Variants in TMEM255B observed in about 807,000 individuals in gnomAD.
TMEM255B encodes the protein family with sequence similarity 70, member B.
In TMEM255B, 35 loss-of-function variants were observed where a neutral mutation model predicts 34.5. The observed-to-expected ratio is 1.01, with a 90% CI of 0.77 to 1.34. The LOEUF (loss-of-function observed/expected upper bound fraction) is 1.34. Among genes scored for constraint, TMEM255B ranks in the 40% most tolerant of loss-of-function variants. TMEM255B has a pLI of 0.00. For missense variants in TMEM255B, 432 were observed against 433.2 expected, an observed-to-expected ratio of 1.00 and a Z score of 0.02; for synonymous variants, 206 against 201.2, an observed-to-expected ratio of 1.02 and a Z score of -0.20.
intron 3 of TMEM255B, among the ~76,000 whole-genome samples, chr13:113,772,017 T>C (rs1439316639): frequency 6.6e-6 from 1 of 152,242 alleles, no homozygotes; most frequent in Non-Finnish European, 1.5e-5. Context: ...CACTTGTCAC[T>C]GACTGTTTGA....
chr13:113,769,078 C>A lies in TMEM255B; in HGVS notation c.190-20C>A. The stretch of plus-strand genomic sequence containing the variant: ...GGCACGTTAATGAGTGTTTCTCTCT[C>A]GTTCTTCCTTTGGTTTTAGCTCGGC... On this transcript the variant is annotated intron_variant, in intron 2 of 8. Transcript: ENST00000375353. This position sits in a 1 kb window ranked among gnomAD's most constrained non-coding sequence, Gnocchi z 4.2. 1 of 1,613,810 alleles carries A rather than the reference C, an allele frequency of 6.2e-7. No individual in the cohort carries two copies. Among genetic ancestry groups the A allele is most frequent in the South Asian group, 1.1e-5 (1 of 91,026 alleles).
At chr13:113,783,436 G>A (rs1185323401) in intron 3 of TMEM255B, among the ~76,000 whole-genome samples, 1 of 152,208 alleles carries the variant, frequency 6.6e-6, no homozygotes, top group Non-Finnish European at 1.5e-5. Context: ...TTTTCATCAG[G>A]AGTGAGGGTG....
intron 3 of TMEM255B, among the ~76,000 whole-genome samples, chr13:113,788,808 C>A (rs1256464667): frequency 2.0e-5 from 3 of 152,112 alleles, no homozygotes; most frequent in Non-Finnish European, 4.4e-5. Context: ...CTGCCCTCAC[C>A]CCAGCCAGAG....
chr13:113,813,342 C>A lies in TMEM255B; in HGVS notation c.*1439C>A, dbSNP rs1013204813. ...CCTCACGTCCCTCCCTGCAAAGCCC[C>A]CCGTGCCTACGATAAACAAGTACCG... On this transcript the variant is annotated 3_prime_UTR_variant, in exon 9 of 9. Coordinates refer to ENST00000375353, the MANE Select transcript of TMEM255B (RefSeq NM_182614.4). 6.6e-6 allele frequency: 1 copy of A among 152,272 alleles called. No individual in the cohort carries two copies. The highest frequency in any genetic ancestry group is 1.5e-5 in the Non-Finnish European group (1 of 68,144). 9.4% of individuals were successfully genotyped at this position (152,272 alleles called of 1,614,324 possible). A position where few individuals can be genotyped will look rare whatever the true frequency, so the allele number is the denominator to read the frequency against.
chr13:113,779,434 T>C (rs1282565363), intron 3 of TMEM255B, among the ~76,000 whole-genome samples: 4 of 151,810 alleles, frequency 2.6e-5, no homozygotes, highest in Non-Finnish European at 4.4e-5. Context: ...CATCTAGGAG[T>C]GGAAGAGGTG....
chr13:113,804,807 G>A (rs2051136786), intron 7 of TMEM255B, 78 bp from the exon 8 acceptor site: 1 of 1,368,540 alleles, frequency 7.3e-7, no homozygotes, highest in Non-Finnish European at 9.9e-7. Flanking sequence ...CGAGGGTGCT[G>A]GGCTTTCTAG....
rs2050454952 is a variant in TMEM255B, at chr13:113,770,172, T to G, written c.252+1012T>G. ...CCACGTGGCTGGGGAAGCCTCACGA[T>G]CACGGCGGAAGGTAAGGAGGAGCAA... is the stretch of plus-strand genomic sequence containing the variant. On this transcript the variant is annotated intron_variant, in intron 3 of 8. Coordinates refer to ENST00000375353, the MANE Select transcript of TMEM255B (RefSeq NM_182614.4). The surrounding 1 kb of genome is among the most constrained non-coding windows in gnomAD (Gnocchi z 4.6). 6.6e-6 allele frequency among the ~76,000 whole-genome samples: 1 copy of G among 152,158 alleles called. No homozygotes were observed.
At chr13:113,776,622 T>C (rs1265180588) in intron 3 of TMEM255B, among the ~76,000 whole-genome samples, 1 of 152,196 alleles carries the variant, frequency 6.6e-6, no homozygotes, top group Non-Finnish European at 1.5e-5. Flanking sequence ...TTCTGCTGTC[T>C]GAGCAGCCTT....
intron 5 of TMEM255B, chr13:113,800,150 GTGTGTA>G (rs1331237132): frequency 5.5e-5 from 49 of 884,774 alleles, no homozygotes; most frequent in South Asian, 3.1e-4. Context: ...GGTGTCCTGT[GTGTGTA>G]TGTGTATGTG....
intron 1 of TMEM255B, chr13:113,761,350 A>G (rs1033344405): frequency 2.1e-5 from 21 of 985,182 alleles, no homozygotes; most frequent in African/African-American, 3.5e-5. Flanking sequence ...TCTTCCAGGT[A>G]GGACCTGGCG....
chr13:113,761,453 G>A, intron 1 of TMEM255B: 2 of 770,560 alleles, frequency 2.6e-6, no homozygotes, highest in Non-Finnish European at 3.2e-6. Context: ...AGTGGGGGCT[G>A]GTGGGGAGTG....
At chr13:113,762,492 A>G (rs999087854) in intron 1 of TMEM255B, among the ~76,000 whole-genome samples, 1 of 152,120 alleles carries the variant, frequency 6.6e-6, no homozygotes, top group Non-Finnish European at 1.5e-5. Context: ...TCTGCTTTTT[A>G]TTTTGTAGCA....
rs1427491960 is a variant in TMEM255B, at chr13:113,769,142, G to A, written c.234G>A (p.Val78=). The A allele has an allele frequency of 1.2e-6, 2 of 1,614,192 alleles. No individual in the cohort carries two copies. The highest frequency in any genetic ancestry group is 2.2e-5 in the East Asian group (1 of 44,888). The change falls in exon 3 of 9, where the codon GTG becomes GTA. Residue 78 remains valine (V), a synonymous_variant. Transcript: ENST00000375353. This position sits in a 1 kb window ranked among gnomAD's most constrained non-coding sequence, Gnocchi z 4.2. The stretch of plus-strand genomic sequence containing the variant: ...TAGGAATTATTGGCATCAACTTGGT[G>A]GAGAATAGAAGGCAAATGGTAAGAA... ...SFLGIIGINL[V]ENRRQMLVAA...
chr13:113,768,102 C>T (rs779563238), intron 2 of TMEM255B: 18 of 434,628 alleles, frequency 4.1e-5, no homozygotes, highest in South Asian at 1.9e-4. Context: ...CTTGACACCA[C>T]GGCCCCAGCA....
intron 1 of TMEM255B, among the ~76,000 whole-genome samples, chr13:113,762,761 C>G (rs1360813420): frequency 1.3e-5 from 2 of 152,220 alleles, no homozygotes; most frequent in Admixed American, 6.5e-5. Flanking sequence ...GGGTTCCTGA[C>G]AGACGGACGC....
chr13:113,811,929 T>C lies in TMEM255B; in HGVS notation c.*26T>C. Reference sequence around the variant, plus strand: ...TAGAGGCGTGGAGTAAAAGATAACTTGTTTGTTTTTTTTTTTAAAAAAAAG... The same window carrying C: ...TAGAGGCGTGGAGTAAAAGATAACTCGTTTGTTTTTTTTTTTAAAAAAAAG... On this transcript the variant is annotated 3_prime_UTR_variant, in exon 9 of 9. Transcript: ENST00000375353. The C allele has an allele frequency of 6.5e-7, 1 of 1,543,052 alleles. No individual in the cohort carries two copies. Among genetic ancestry groups the C allele is most frequent in the Non-Finnish European group, 8.7e-7 (1 of 1,149,452 alleles).
rs145570963 is a variant in TMEM255B at position 113,799,408 on chromosome 13, T to C, written c.412T>C (p.Tyr138His). The C allele has an allele frequency of 5.6e-4, 906 of 1,614,132 alleles. 3 individuals are homozygous for C. In the African/African-American group the frequency reaches 0.011, roughly 19 times the overall value. ...TGGGGTGGGGTACTTGTACGATGTC[T>C]ACCAGACAGAGGTGAGCAGGAGCAC... ...SSGVGYLYDV[Y>H]QTEVTCHSLD... The change falls in exon 5 of 9, where the codon TAC becomes CAC. Residue 138 changes from tyrosine to histidine, a missense_variant. Tyr to His is a moderately conservative substitution (Grantham distance 83, BLOSUM62 2). Transcript: ENST00000375353.
At chr13:113,762,508 G>C (rs376833005) in intron 1 of TMEM255B, among the ~76,000 whole-genome samples, 9 of 152,280 alleles carry the variant, frequency 5.9e-5, no homozygotes, top group Middle Eastern at 6.8e-3. Flanking sequence ...TAGCAGATGG[G>C]GGGGAAGTTA....
intron 4 of TMEM255B, among the ~76,000 whole-genome samples, chr13:113,797,376 T>C (rs2050961881): frequency 6.6e-6 from 1 of 152,218 alleles, no homozygotes. Context: ...GGGCGTCATA[T>C]GGGGAGATGC....
Sources: allele counts gnomAD v4.1 joint callset (sites outside exome capture counted in the v4.1 genomes callset), GRCh38; gene constraint gnomAD v4.1.1; non-coding constraint Gnocchi (gnomAD v3.1); transcripts MANE v1.5; gene names NCBI Gene and HGNC (gene_info 2026-07-23, HGNC 2026-07-21).